CDYL: variants seen among roughly 807,000 people sequenced by gnomAD.
CDYL encodes the protein chromodomain Y like.
A neutral mutation model predicts 47.3 loss-of-function variants in CDYL; 8 were observed. The observed-to-expected ratio is 0.17, with a 90% CI of 0.10 to 0.31. The LOEUF (loss-of-function observed/expected upper bound fraction) is 0.31. Ranked by LOEUF, CDYL falls within the 10% of genes least tolerant of loss-of-function variation. CDYL has a pLI of 1.00. For missense variants in CDYL, 471 were observed against 701.4 expected (o/e 0.67, Z 3.71); for synonymous variants, 266 against 265.0 (o/e 1.00, Z -0.04).
intron 5 of CDYL, among the ~76,000 whole-genome samples, chr6:4,945,863 C>T (rs191860056): frequency 1.7e-4 from 26 of 152,360 alleles, no homozygotes; most frequent in African/African-American, 5.5e-4. Context: ...CTGGTCACAA[C>T]GCACCACCCT....
intron 2 of CDYL, among the ~76,000 whole-genome samples, chr6:4,909,749 T>A (rs958378483): frequency 1.3e-5 from 2 of 151,714 alleles, no homozygotes; most frequent in Non-Finnish European, 2.9e-5. Context: ...TTTTTTTTTT[T>A]ATTTTTAGTA....
intron 2 of CDYL, among the ~76,000 whole-genome samples, chr6:4,917,775 G>A (rs1324271477): frequency 6.6e-6 from 1 of 152,024 alleles, no homozygotes; most frequent in Non-Finnish European, 1.5e-5. Flanking sequence ...ACATGATGAT[G>A]AATATCAGCA....
intron 1 of CDYL, among the ~76,000 whole-genome samples, chr6:4,832,814 T>C (rs1467907520): frequency 3.4e-5 from 5 of 146,486 alleles, no homozygotes; most frequent in Non-Finnish European, 6.1e-5. Flanking sequence ...GGAGAGTGTA[T>C]GTGTTGAGGA....
chr6:4,722,690 A>C (rs1487932667), intron 2 of CDYL, among the ~76,000 whole-genome samples: 1 of 152,178 alleles, frequency 6.6e-6, no homozygotes, highest in Non-Finnish European at 1.5e-5. Flanking sequence ...CAGCCTGACC[A>C]ACGTGGTGAA....
At chr6:4,757,954 A>G (rs1330084406) in intron 3 of CDYL, among the ~76,000 whole-genome samples, 1 of 152,214 alleles carries the variant, frequency 6.6e-6, no homozygotes. Flanking sequence ...ATGATAAACT[A>G]TACATCTGTA....
chr6:4,759,270 A>G (rs1391448081), intron 3 of CDYL, among the ~76,000 whole-genome samples: 3 of 152,086 alleles, frequency 2.0e-5, no homozygotes, highest in Admixed American at 6.6e-5. Context: ...CGCCCGGCCA[A>G]TCACACAGTT....
At chr6:4,899,059 T>C (rs1403462584) in intron 2 of CDYL, among the ~76,000 whole-genome samples, 2 of 152,252 alleles carry the variant, frequency 1.3e-5, no homozygotes, top group Non-Finnish European at 2.9e-5. Flanking sequence ...GCCTTTTTGA[T>C]TTTTCTCATT....
intron 1 of CDYL, among the ~76,000 whole-genome samples, chr6:4,886,063 C>T (rs1178008609): frequency 6.6e-6 from 1 of 152,154 alleles, no homozygotes; most frequent in East Asian, 1.9e-4. Context: ...CATGTTGTAG[C>T]TTGTATCAGT....
intron 1 of CDYL, among the ~76,000 whole-genome samples, chr6:4,874,651 A>G (rs1561681641): frequency 6.6e-6 from 1 of 152,170 alleles, no homozygotes; most frequent in Non-Finnish European, 1.5e-5. Flanking sequence ...ACAAATGTGT[A>G]CACCTGTGCA....
chr6:4,917,505 G>A (rs1244868918), intron 2 of CDYL, among the ~76,000 whole-genome samples: 3 of 152,166 alleles, frequency 2.0e-5, no homozygotes, highest in Non-Finnish European at 4.4e-5. Flanking sequence ...ACCAAGCATA[G>A]AGCCTCATTA....
chr6:4,746,597 G>A (rs1757903332), intron 3 of CDYL, among the ~76,000 whole-genome samples: 1 of 152,168 alleles, frequency 6.6e-6, no homozygotes. Flanking sequence ...AGAGGAGGCG[G>A]GGTCAGGCCC....
At chr6:4,873,503 G>A (rs1761531758) in intron 1 of CDYL, among the ~76,000 whole-genome samples, 1 of 151,976 alleles carries the variant, frequency 6.6e-6, no homozygotes, top group African/African-American at 2.4e-5. Context: ...GTTTCCTTAT[G>A]GGAAGGAAAA....
chr6:4,787,765 C>CTTTT (rs70974136), intron 1 of CDYL, among the ~76,000 whole-genome samples: 2,216 of 69,370 alleles, frequency 0.032, 158 homozygotes, highest in African/African-American at 0.12. Context: ...AAATTCAAGT[C>CTTTT]TTTTTTTTTT....
rs552356287 is a variant in CDYL at position 4,929,509 on chromosome 6, C to CACACAA, written c.692-6001_692-6000insAACACA. Among the ~76,000 whole-genome samples, 57 of 151,610 alleles carry CACACAA rather than the reference C, an allele frequency of 3.8e-4. No individual in the cohort carries two copies. In the East Asian group the frequency reaches 0.01, roughly 27 times the overall value. On this transcript the variant is annotated intron_variant, in intron 2 of 6. Coordinates refer to ENST00000397588, the MANE Select transcript of CDYL (RefSeq NM_004824.4). Reference sequence around the variant, plus strand: ...TGTTTTACTTACACACACACACACACACACACACACACACACATACATACA... The same window carrying CACACAA: ...TGTTTTACTTACACACACACACACACACACAAACACACACACACACACATACATACA...
At chr6:4,757,076 T>A (rs1227413138) in intron 3 of CDYL, among the ~76,000 whole-genome samples, 1 of 152,194 alleles carries the variant, frequency 6.6e-6, no homozygotes, top group Non-Finnish European at 1.5e-5. Context: ...CTGATTGACA[T>A]GAATAAATAT....
intron 1 of CDYL, among the ~76,000 whole-genome samples, chr6:4,792,733 G>A (rs1472638797): frequency 6.6e-6 from 1 of 152,094 alleles, no homozygotes; most frequent in Non-Finnish European, 1.5e-5. Context: ...ACCGCGCCTG[G>A]CTTCTCTCAT....
At position 4,861,366 on chromosome 6, in the gene CDYL, G is replaced by C. The variant is rs547269590; in HGVS notation, c.25-30347G>C. Among the ~76,000 whole-genome samples, 4 of 152,334 alleles carry C rather than the reference G, an allele frequency of 2.6e-5. No individual in the cohort carries two copies. In the East Asian group the frequency reaches 7.7e-4, roughly 29 times the overall value. Reference sequence around the variant, plus strand: ...GTGGCCCCAGGACTTCTTATTGAAGGTTGGAGTGTCATCTGCCCCTAAGTG... The same window carrying C: ...GTGGCCCCAGGACTTCTTATTGAAGCTTGGAGTGTCATCTGCCCCTAAGTG... On this transcript the variant is annotated intron_variant, in intron 1 of 6. Transcript: ENST00000397588.
intron 2 of CDYL, among the ~76,000 whole-genome samples, chr6:4,719,883 G>A (rs1022069984): frequency 2.0e-5 from 3 of 152,152 alleles, no homozygotes; most frequent in Non-Finnish European, 4.4e-5. Context: ...AAACTTATCT[G>A]TGCCTGCAAA....
At chr6:4,797,735 G>T (rs1167547611) in intron 1 of CDYL, among the ~76,000 whole-genome samples, 1 of 152,134 alleles carries the variant, frequency 6.6e-6, no homozygotes, top group Non-Finnish European at 1.5e-5. Flanking sequence ...TGTTTCCAAG[G>T]TTTGTGTTGC....
Sources: allele counts gnomAD v4.1 joint callset (sites outside exome capture counted in the v4.1 genomes callset), GRCh38; gene constraint gnomAD v4.1.1; transcripts MANE v1.5; gene names NCBI Gene and HGNC (gene_info 2026-07-23, HGNC 2026-07-21).